The following CACNB2 variants were observed in gnomAD, a reference collection of about 807,000 sequenced individuals.
CACNB2 encodes voltage-dependent L-type calcium channel subunit beta-2.
CACNB2 carries 42 observed loss-of-function variants against 73.3 expected under a neutral mutation model. The ratio of observed to expected loss-of-function variants is 0.57; its 90% confidence interval spans 0.45 to 0.74. The LOEUF (loss-of-function observed/expected upper bound fraction) is 0.74. Among genes scored for constraint, CACNB2 ranks in the 30% least tolerant of loss-of-function variants. The probability of loss-of-function intolerance (pLI) is 0.00; values close to 1 mark genes in which losing one functional copy is unlikely to be tolerated. For synonymous variants in CACNB2, 348 were observed against 310.3 expected (o/e 1.12, Z -1.28); for missense variants, 940 against 853.0 (o/e 1.10, Z -1.27).
chr10:18,413,006 T>C (rs2044722762), intron 3 of CACNB2, among the ~76,000 whole-genome samples: 1 of 152,234 alleles, frequency 6.6e-6, no homozygotes, highest in Non-Finnish European at 1.5e-5. Context: ...GTTTTACTCT[T>C]ATTACCCAGG....
chr10:18,279,618 G>T (rs2038452667), intron 2 of CACNB2, among the ~76,000 whole-genome samples: 1 of 152,130 alleles, frequency 6.6e-6, no homozygotes, highest in African/African-American at 2.4e-5. Context: ...GACAAGGGTT[G>T]GCATTTAGTT....
chr10:18,463,257 C>A (rs367688886), intron 3 of CACNB2, among the ~76,000 whole-genome samples: 7 of 152,180 alleles, frequency 4.6e-5, no homozygotes, highest in African/African-American at 1.7e-4. Context: ...GGCATGGTGG[C>A]TCACACCTGT....
At chr10:18,257,924 A>G (rs1268688952) in intron 2 of CACNB2, among the ~76,000 whole-genome samples, 1 of 151,982 alleles carries the variant, frequency 6.6e-6, no homozygotes, top group Non-Finnish European at 1.5e-5. Context: ...TTGTATTTTT[A>G]GTAGAGACGA....
chr10:18,290,338 A>G (rs892263079), intron 2 of CACNB2, among the ~76,000 whole-genome samples: 1 of 151,354 alleles, frequency 6.6e-6, no homozygotes, highest in African/African-American at 2.4e-5. Flanking sequence ...CCTTTTCTTT[A>G]AAGTGTTTAT....
intron 2 of CACNB2, among the ~76,000 whole-genome samples, chr10:18,279,301 A>G (rs745819627): frequency 1.3e-5 from 2 of 152,300 alleles, no homozygotes; most frequent in African/African-American, 2.4e-5. Context: ...GATCACAGTC[A>G]GTAAGAGCCA....
chr10:18,216,447 A>C (rs1261858262), intron 2 of CACNB2, among the ~76,000 whole-genome samples: 1 of 152,190 alleles, frequency 6.6e-6, no homozygotes, highest in African/African-American at 2.4e-5. Context: ...CAAACCAAAA[A>C]GCTACATGGT....
chr10:18,384,390 G>T (rs2043138933), intron 2 of CACNB2, among the ~76,000 whole-genome samples: 1 of 152,080 alleles, frequency 6.6e-6, no homozygotes, highest in Admixed American at 6.6e-5. Context: ...CATAGAAAAT[G>T]ACCTGGAAAT....
chr10:18,290,420 A>C (rs2039018063), intron 2 of CACNB2, among the ~76,000 whole-genome samples: 1 of 152,106 alleles, frequency 6.6e-6, no homozygotes, highest in African/African-American at 2.4e-5. Flanking sequence ...ATAGAAGCTC[A>C]AGAAAAGTGA....
intron 9 of CACNB2, among the ~76,000 whole-genome samples, chr10:18,527,193 T>C (rs1209155578): frequency 6.6e-6 from 1 of 151,984 alleles, no homozygotes; most frequent in Non-Finnish European, 1.5e-5. Context: ...CCAGCTTCCA[T>C]AGTGAAACCC....
intron 3 of CACNB2, among the ~76,000 whole-genome samples, chr10:18,465,063 C>G (rs868405093): frequency 6.6e-6 from 1 of 152,202 alleles, no homozygotes; most frequent in Non-Finnish European, 1.5e-5. Context: ...GGCATGGTGG[C>G]TCACGCCTGT....
chr10:18,514,492 C>T lies in CACNB2; in HGVS notation c.804+123C>T, dbSNP rs148536895. ...AACGTGCATGCTCTGTTATTTGTTT[C>T]TTTTCCATGCTGCTGTAGCTAAGCA... On this transcript the variant is annotated intron_variant, in intron 7 of 13. Coordinates refer to ENST00000324631, the MANE Select transcript of CACNB2 (RefSeq NM_201596.3). The T allele has an allele frequency of 2.9e-4, 474 of 1,614,026 alleles. 1 individual carries two copies. In the African/African-American group the frequency reaches 5.7e-3, roughly 20 times the overall value.
intron 2 of CACNB2, among the ~76,000 whole-genome samples, chr10:18,311,023 T>G (rs1800536393): frequency 6.6e-6 from 1 of 152,194 alleles, no homozygotes; most frequent in Admixed American, 6.5e-5. Flanking sequence ...CATTGCCTCA[T>G]CAGTACTTTT....
At chr10:18,306,816 A>G (rs111479249) in intron 2 of CACNB2, among the ~76,000 whole-genome samples, 6 of 152,254 alleles carry the variant, frequency 3.9e-5, no homozygotes, top group African/African-American at 1.4e-4. Context: ...GACTGAAGAC[A>G]CTGCAGAGGG....
chr10:18,261,200 C>T (rs1399146053), intron 2 of CACNB2: 3 of 1,549,506 alleles, frequency 1.9e-6, no homozygotes, highest in African/African-American at 2.7e-5. Flanking sequence ...TGGACCGAGG[C>T]TGTGACGAGA....
intron 2 of CACNB2, among the ~76,000 whole-genome samples, chr10:18,308,116 C>A (rs1248730877): frequency 6.7e-6 from 1 of 150,342 alleles, no homozygotes; most frequent in African/African-American, 2.5e-5. Flanking sequence ...ATCTCAGCCT[C>A]CTGAGCAGCT....
chr10:18,427,279 A>G (rs1414390273), intron 3 of CACNB2, among the ~76,000 whole-genome samples: 2 of 152,026 alleles, frequency 1.3e-5, no homozygotes, highest in African/African-American at 2.4e-5. Context: ...TTTTATTAAT[A>G]GATTTTCTAC....
At chr10:18,334,384 C>CG (rs1346149251) in intron 2 of CACNB2, among the ~76,000 whole-genome samples, 1 of 152,104 alleles carries the variant, frequency 6.6e-6, no homozygotes, top group Non-Finnish European at 1.5e-5. Context: ...TTGAGACCCA[C>CG]GGGGGTCTGG....
intron 1 of CACNB2, among the ~76,000 whole-genome samples, chr10:18,143,857 A>G (rs2030688439): frequency 6.6e-6 from 1 of 152,212 alleles, no homozygotes; most frequent in Non-Finnish European, 1.5e-5. Context: ...GGTTTTAGGA[A>G]TCATTCTACC....
At chr10:18,186,456 G>C (rs150659627) in intron 2 of CACNB2, among the ~76,000 whole-genome samples, 28 of 152,118 alleles carry the variant, frequency 1.8e-4, no homozygotes, top group African/African-American at 6.7e-4. Flanking sequence ...CTGAGACTGG[G>C]TAATTTCTAA....
Sources: allele counts gnomAD v4.1 joint callset (sites outside exome capture counted in the v4.1 genomes callset), GRCh38; gene constraint gnomAD v4.1.1; transcripts MANE v1.5; gene names NCBI Gene and HGNC (gene_info 2026-07-23, HGNC 2026-07-21).